SLC71A2: variants seen among roughly 807,000 people sequenced by gnomAD.
SLC71A2 encodes solute carrier family 71 member 2.
the SLC71A2 span, among the ~76,000 whole-genome samples, chr9:94,449,467 AG>A: frequency 1.6e-4 from 25 of 152,392 alleles, no homozygotes; most frequent in East Asian, 4.4e-3. Flanking sequence ...GATCTACAAA[AG>A]GCCAATAAGC....
At chr9:94,387,724 G>GT in the SLC71A2 span, among the ~76,000 whole-genome samples, 1 of 152,300 alleles carries the variant, frequency 6.6e-6, no homozygotes, top group South Asian at 2.1e-4. Context: ...GTATTCAAGA[G>GT]TAGAGGTAGG....
the SLC71A2 span, among the ~76,000 whole-genome samples, chr9:94,417,152 A>T: frequency 6.6e-6 from 1 of 152,190 alleles, no homozygotes; most frequent in African/African-American, 2.4e-5. Context: ...CACATTTTTA[A>T]TATGAATATA....
chr9:94,433,305 A>G, the SLC71A2 span: 1 of 155,666 alleles, frequency 6.4e-6, no homozygotes. Context: ...ACAAATAACA[A>G]ATACAGCCTT....
At chr9:94,414,754 G>C in the SLC71A2 span, among the ~76,000 whole-genome samples, 1 of 152,122 alleles carries the variant, frequency 6.6e-6, no homozygotes, top group Non-Finnish European at 1.5e-5. Flanking sequence ...CCGGCACCCG[G>C]GTTCAAGCAA....
At chr9:94,439,022 G>GTTTTTTTTTTTTTTTTTTTTTT in the SLC71A2 span, among the ~76,000 whole-genome samples, 3 of 115,688 alleles carry the variant, frequency 2.6e-5, 1 homozygote, top group African/African-American at 9.8e-5. Context: ...ATTTGAGTTC[G>GTTTTTTTTTTTTTTTTTTTTTT]TTTTTTTTTT....
the SLC71A2 span, among the ~76,000 whole-genome samples, chr9:94,425,189 A>G: frequency 6.6e-6 from 1 of 152,020 alleles, no homozygotes; most frequent in African/African-American, 2.4e-5. Flanking sequence ...CTGTAATCCC[A>G]GCTACTCGGG....
the SLC71A2 span, among the ~76,000 whole-genome samples, chr9:94,455,183 A>ATTTTTTTTTTTTCTTTTTTTTT: frequency 4.9e-5 from 1 of 20,526 alleles, no homozygotes; most frequent in Non-Finnish European, 7.1e-5. Context: ...TTTTTTTTTG[A>ATTTTTTTTTTTTCTTTTTTTTT]GAGAGAGAGG....
the SLC71A2 span, among the ~76,000 whole-genome samples, chr9:94,451,788 A>G: frequency 6.6e-6 from 1 of 152,144 alleles, no homozygotes; most frequent in Non-Finnish European, 1.5e-5. Context: ...TTTAGGGGAA[A>G]TTTTTTATGT....
the SLC71A2 span, among the ~76,000 whole-genome samples, chr9:94,379,332 T>G: frequency 6.8e-6 from 1 of 147,888 alleles, no homozygotes; most frequent in East Asian, 2.0e-4. Flanking sequence ...GCGATCCACC[T>G]GCCTTGGCCT....
the SLC71A2 span, chr9:94,458,455 TC>T: frequency 6.2e-7 from 1 of 1,613,782 alleles, no homozygotes; most frequent in Non-Finnish European, 8.5e-7. Context: ...CTAACAACGT[TC>T]CCCTGCAGGT....
chr9:94,428,590 A>ACCC, the SLC71A2 span, among the ~76,000 whole-genome samples: 12 of 116,056 alleles, frequency 1.0e-4, no homozygotes, highest in African/African-American at 3.2e-4. Context: ...ACATATGCAT[A>ACCC]CCCCCCCCCC....
At chr9:94,439,190 A>G in the SLC71A2 span, among the ~76,000 whole-genome samples, 2 of 151,922 alleles carry the variant, frequency 1.3e-5, no homozygotes, top group Non-Finnish European at 2.9e-5. Context: ...TTGTATTTTT[A>G]GTAGGGATGG....
the SLC71A2 span, among the ~76,000 whole-genome samples, chr9:94,452,024 A>G: frequency 7.9e-5 from 12 of 152,194 alleles, no homozygotes; most frequent in African/African-American, 2.7e-4. Flanking sequence ...GTGTTTTCTC[A>G]GAAAAGATGA....
the SLC71A2 span, among the ~76,000 whole-genome samples, chr9:94,385,130 T>G: frequency 6.6e-6 from 1 of 152,158 alleles, no homozygotes; most frequent in Non-Finnish European, 1.5e-5. Flanking sequence ...CAAAATAGAC[T>G]GAGACACTCC....
At chr9:94,454,739 G>C in the SLC71A2 span, among the ~76,000 whole-genome samples, 30,951 of 151,978 alleles carry the variant, frequency 0.2, 4,232 homozygotes, top group African/African-American at 0.39. Flanking sequence ...GACTGATTAT[G>C]GCAAGCTTCA....
At chr9:94,441,115 A>C in the SLC71A2 span, 1 of 1,382,118 alleles carries the variant, frequency 7.2e-7, no homozygotes, top group Admixed American at 2.0e-5. Context: ...ATAATAGACT[A>C]TATATATTTT....
the SLC71A2 span, among the ~76,000 whole-genome samples, chr9:94,448,656 A>G: frequency 2.0e-5 from 3 of 152,304 alleles, no homozygotes; most frequent in South Asian, 6.2e-4. Flanking sequence ...ATTGGAGACA[A>G]GAGTCTTGCT....
the SLC71A2 span, among the ~76,000 whole-genome samples, chr9:94,453,746 G>A: frequency 6.6e-6 from 1 of 152,168 alleles, no homozygotes; most frequent in Admixed American, 6.5e-5. Context: ...TAGGGAGGAG[G>A]CTGAAAGCAT....
At chr9:94,441,113 C>T in the SLC71A2 span, 1 of 1,389,708 alleles carries the variant, frequency 7.2e-7, no homozygotes, top group Non-Finnish European at 1.0e-6. Context: ...AGATAATAGA[C>T]TATATATATT....
Sources: gnomAD v4.1 joint callset for allele counts (sites outside exome capture counted in the v4.1 genomes callset) on GRCh38, gnomAD v4.1.1 for gene constraint, MANE v1.5 for transcripts, NCBI Gene and HGNC (gene_info 2026-07-23, HGNC 2026-07-21) for gene names.